The following IBTK variants were observed in gnomAD, a reference collection of about 807,000 sequenced individuals.
IBTK encodes the protein inhibitor of Bruton tyrosine kinase, also known as BTK-binding protein.
IBTK carries 83 observed loss-of-function variants against 154.9 expected under a neutral mutation model. The observed-to-expected ratio is 0.54, with a 90% CI of 0.45 to 0.64. The LOEUF is 0.64. Ranked by LOEUF, IBTK falls within the 30% of genes least tolerant of loss-of-function variation. The pLI is 0.00. For synonymous variants in IBTK, 515 were observed against 536.1 expected (o/e 0.96, Z 0.54); for missense variants, 1,332 against 1,584.6 (o/e 0.84, Z 2.71).
chr6:82,215,050 T>C (rs9361902), intron 11 of IBTK, among the ~76,000 whole-genome samples: 67,611 of 151,870 alleles, frequency 0.45, 15,352 homozygotes, highest in East Asian at 0.74. Context: ...TATTCTTCTC[T>C]CAAATTAAAA....
intron 16 of IBTK, among the ~76,000 whole-genome samples, chr6:82,207,973 G>A (rs1769473736): frequency 6.6e-6 from 1 of 151,936 alleles, no homozygotes; most frequent in African/African-American, 2.4e-5. Context: ...AGGGTAATGG[G>A]AAGATATTGG....
intron 21 of IBTK, among the ~76,000 whole-genome samples, chr6:82,198,644 A>C (rs1269989991): frequency 6.6e-6 from 1 of 152,082 alleles, no homozygotes; most frequent in Non-Finnish European, 1.5e-5. Flanking sequence ...CTATTTTTCA[A>C]AGTTGTTTGT....
At chr6:82,235,788 T>C (rs1421425816) in intron 2 of IBTK, among the ~76,000 whole-genome samples, 1 of 152,234 alleles carries the variant, frequency 6.6e-6, no homozygotes, top group African/African-American at 2.4e-5. Context: ...TTACCATAGT[T>C]GGTTCCAGTT....
chr6:82,230,838 T>C (rs964938852), intron 4 of IBTK, among the ~76,000 whole-genome samples: 2 of 152,080 alleles, frequency 1.3e-5, no homozygotes, highest in South Asian at 2.1e-4. Flanking sequence ...GTAGAAGATA[T>C]CATGCATTGT....
intron 21 of IBTK, among the ~76,000 whole-genome samples, 158 bp downstream of exon 21, chr6:82,199,983 T>C (rs1244924758): frequency 5.9e-5 from 9 of 152,192 alleles, no homozygotes; most frequent in Non-Finnish European, 5.9e-5. Flanking sequence ...GTACCTCTTT[T>C]GTGCTCCCAG....
intron 22 of IBTK, 55 bp downstream of exon 22, chr6:82,196,243 A>C: frequency 7.4e-7 from 1 of 1,355,832 alleles, no homozygotes; most frequent in Middle Eastern, 1.9e-4. Context: ...TTAAAGATAA[A>C]CCATCTATAA....
At chr6:82,219,094 A>G (rs1050054883) in intron 9 of IBTK, among the ~76,000 whole-genome samples, 1 of 152,074 alleles carries the variant, frequency 6.6e-6, no homozygotes, top group East Asian at 1.9e-4. Context: ...TTCCACTAGT[A>G]CAAACTGGAG....
Position 82,202,622 on chromosome 6 carries a change from G to C in IBTK, c.2635C>G (p.Leu879Val). Reference sequence around the variant, plus strand: ...CTATACATTGCTGCAAATTCCAGTAGCATAGCAGCATTCTTCAGGGTAACT... The same window carrying C: ...CTATACATTGCTGCAAATTCCAGTACCATAGCAGCATTCTTCAGGGTAACT... ...EKLTLKNAAM[L>V]LEFAAMYSAK... is the part of the protein sequence containing the mutation. The change falls in exon 18 of 29, where the codon CTA (leucine) becomes GTA (valine). Residue 879 changes from leucine (L) to valine (V), a missense_variant. Transcript: ENST00000306270. 1 of 1,596,466 alleles carries C rather than the reference G, an allele frequency of 6.3e-7. No homozygotes were observed. The highest frequency in any genetic ancestry group is 8.5e-7 in the Non-Finnish European group (1 of 1,171,784).
At chr6:82,234,297 TATTA>T (rs1562106423) in intron 2 of IBTK, 42 bp from the exon 3 acceptor site, 1 of 730,466 alleles carries the variant, frequency 1.4e-6, no homozygotes, top group East Asian at 3.5e-5. Flanking sequence ...ATATATATAT[TATTA>T]ATTACCTATA....
In IBTK at chr6:82,231,313, CA is replaced by C. The variant is rs144796263; in HGVS notation, c.543+404del. Reference sequence around the variant, plus strand: ...AAATTATTTTATTTTTTAATGCCACCAAAAAAAAAAGAACTGTTGTTCACTT... The same window carrying C: ...AAATTATTTTATTTTTTAATGCCACCAAAAAAAAAGAACTGTTGTTCACTT... On this transcript the variant is annotated intron_variant, in intron 4 of 28. Transcript: ENST00000306270. Among the ~76,000 whole-genome samples the C allele has an allele frequency of 4.8e-3, 704 of 146,624 alleles. 2 individuals are homozygous for C. Among genetic ancestry groups the C allele is most frequent in the African/African-American group, 0.016 (638 of 40,242 alleles).
At chr6:82,233,429 T>C (rs1014133130) in intron 3 of IBTK, among the ~76,000 whole-genome samples, 2 of 152,188 alleles carry the variant, frequency 1.3e-5, no homozygotes, top group African/African-American at 2.4e-5. Context: ...TCAATGCTGA[T>C]GTTACTTTCT....
At chr6:82,189,048 G>A (rs1416120608) in intron 25 of IBTK, 2 of 448,760 alleles carry the variant, frequency 4.5e-6, no homozygotes, top group Non-Finnish European at 8.9e-6. Context: ...AGAAGAAAAA[G>A]TAAGAAATTT....
At position 82,216,184 on chromosome 6, in the gene IBTK, T is replaced by C. The variant is rs1410872935; in HGVS notation, c.1493A>G (p.Tyr498Cys). 6.2e-7 allele frequency: 1 copy of C among 1,612,184 alleles called. No homozygotes were observed. Among genetic ancestry groups the C allele is most frequent in the Non-Finnish European group, 8.5e-7 (1 of 1,178,584 alleles). ...AAGTTTCTCAAGTCGAATTCTTTCA[T>C]ACACACTATTTATATCAGAGACATA... ...VSYVSDINSV[Y>C]ERIRLEKLTF... Residue 498 changes from tyrosine (Y) to cysteine (C), a missense_variant, in exon 11 of 29, where the codon TAT becomes TGT. Coordinates refer to ENST00000306270, the MANE Select transcript of IBTK (RefSeq NM_015525.4).
rs866274997 is a variant in IBTK at position 82,204,933 on chromosome 6, A to G, written c.2535T>C (p.Cys845=). The change falls in exon 17 of 29, where the codon TGT becomes TGC. Residue 845 remains cysteine (C), a synonymous_variant. Coordinates refer to ENST00000306270, the MANE Select transcript of IBTK (RefSeq NM_015525.4). ...GTTGATCAGCCACCACAAGAACACT[A>G]CAAATAAAATCTACATTTTGAGATT... ...IKESQNVDFI[C]SVLVVADQLL... is the part of the protein sequence containing the mutation. The G allele has an allele frequency of 4.4e-6, 7 of 1,601,546 alleles. No individual in the cohort carries two copies. In the Middle Eastern group the frequency reaches 1.2e-3, roughly 266 times the overall value.
At chr6:82,183,143 C>G (rs143545179) in intron 25 of IBTK, among the ~76,000 whole-genome samples, 2,513 of 152,326 alleles carry the variant, frequency 0.016, 27 homozygotes, top group Non-Finnish European at 0.024. Flanking sequence ...GGTACAGTGG[C>G]TCATGCCTGT....
chr6:82,179,488 A>G (rs1768233148), intron 26 of IBTK, among the ~76,000 whole-genome samples: 1 of 152,262 alleles, frequency 6.6e-6, no homozygotes, highest in African/African-American at 2.4e-5. Context: ...AGACTTTAGT[A>G]CATGTCTGAC....
intron 25 of IBTK, among the ~76,000 whole-genome samples, chr6:82,183,537 AAC>A (rs1349927692): frequency 6.6e-6 from 1 of 152,242 alleles, no homozygotes; most frequent in African/African-American, 2.4e-5. Context: ...TACTGAAAAT[AAC>A]AGAAAGTCTA....
intron 1 of IBTK, among the ~76,000 whole-genome samples, chr6:82,244,060 A>T (rs1415060242): frequency 6.6e-6 from 1 of 152,238 alleles, no homozygotes; most frequent in African/African-American, 2.4e-5. Flanking sequence ...TATCAGTTAT[A>T]TAACTAAAAA....
rs1554181580 is a variant in IBTK, at chr6:82,173,684, T to TATATATATATATATATATATATATAC, written c.3726-247_3726-246insGTATATATATATATATATATATATAT. ...CTATTTCTAATAATAAATATATATATACACACACCAGATAAACCAATAATC... is the reference window on the plus strand; with the variant it reads ...CTATTTCTAATAATAAATATATATATATATATATATATATATATATATATACACACACACCAGATAAACCAATAATC... On this transcript the variant is annotated intron_variant, in intron 26 of 28. Coordinates refer to ENST00000306270, the MANE Select transcript of IBTK (RefSeq NM_015525.4). The TATATATATATATATATATATATATAC allele has an allele frequency of 2.7e-4, 59 of 220,750 alleles. 4 individuals are homozygous for TATATATATATATATATATATATATAC. The highest frequency in any genetic ancestry group is 1.0e-3 in the South Asian group (8 of 8,014). 13.7% of individuals were successfully genotyped at this position (220,750 alleles called of 1,614,324 possible).
Sources: gnomAD v4.1 joint callset for allele counts (sites outside exome capture counted in the v4.1 genomes callset) on GRCh38, gnomAD v4.1.1 for gene constraint, MANE v1.5 for transcripts, NCBI Gene and HGNC (gene_info 2026-07-23, HGNC 2026-07-21) for gene names.